Variants in DNAH10 observed in about 807,000 individuals in gnomAD.
DNAH10 encodes axonemal beta dynein heavy chain 10.
In DNAH10, 348 loss-of-function variants were observed where a neutral mutation model predicts 506.6. The observed-to-expected ratio is 0.69, with a 90% confidence interval of 0.63 to 0.75. The LOEUF (loss-of-function observed/expected upper bound fraction) is 0.75, where lower values mean the gene tolerates loss of function less well. Ranked by LOEUF, DNAH10 falls within the 30% of genes least tolerant of loss-of-function variation. The pLI is 0.00. For synonymous variants in DNAH10, 2,059 were observed against 2,198.6 expected (o/e 0.94, Z 1.78); for missense variants, 5,179 against 5,787.1 (o/e 0.89, Z 3.41).
Position 123,859,050 on chromosome 12 carries a change from C to T in DNAH10, c.6631-100C>T, listed in dbSNP as rs1566005038. 20 of 1,124,692 alleles carry T rather than the reference C, an allele frequency of 1.8e-5. No homozygotes were observed. In the South Asian group the frequency reaches 2.5e-4, roughly 14 times the overall value. The allele number at this position is 1,124,692 out of a possible 1,614,324, so 69.7% of individuals were successfully genotyped here. A position where few individuals can be genotyped will look rare whatever the true frequency, so the allele number is the denominator to read the frequency against. The stretch of plus-strand genomic sequence containing the variant: ...ATACTGGAAACCATTGACTTGTACC[C>T]TTTCAAAGGTAAATTGTATGGCGTG... On this transcript the variant is annotated intron_variant, in intron 37 of 78. Transcript: ENST00000673944.
At chr12:123,885,905 A>G (rs941316832) in intron 51 of DNAH10, among the ~76,000 whole-genome samples, 3 of 152,134 alleles carry the variant, frequency 2.0e-5, no homozygotes, top group African/African-American at 4.8e-5. Flanking sequence ...GCCCCTTTAT[A>G]TACTTATTGA....
chr12:123,804,903 T>C lies in DNAH10; in HGVS notation c.2850T>C (p.Tyr950=), dbSNP rs1294250717. The change falls in exon 18 of 79, where the codon TAT becomes TAC. Residue 950 remains tyrosine (Y), a synonymous_variant. Coordinates refer to ENST00000673944, the MANE Select transcript of DNAH10 (RefSeq NM_001372106.1). ...ACGTGGACCACATGGTCCGGTGGTATCTTGCCATTGGACCACTGCTGACCA... is the reference window on the plus strand; with the variant it reads ...ACGTGGACCACATGGTCCGGTGGTACCTTGCCATTGGACCACTGCTGACCA... The part of the protein sequence containing the change: ...ASDVDHMVRW[Y]LAIGPLLTKV... The C allele has an allele frequency of 1.2e-6, 2 of 1,613,912 alleles. No homozygotes were observed. The highest frequency in any genetic ancestry group is 1.7e-6 in the Non-Finnish European group (2 of 1,180,038).
In DNAH10 at chr12:123,838,354, G is replaced by A. The variant is rs760606591; in HGVS notation, c.4903-102G>A. 2.9e-4 allele frequency: 290 copies of A among 1,007,196 alleles called. 1 individual carries two copies. The highest frequency in any genetic ancestry group is 3.4e-4 in the Non-Finnish European group (231 of 687,548). 62.4% of individuals were successfully genotyped at this position (1,007,196 alleles called of 1,614,324 possible). Reference sequence around the variant, plus strand: ...CTGGGCAGCTTGTCAGTTTTGTCTCGGCCGTGCCTGGGCTCTGGTGAGTGC... The same window carrying A: ...CTGGGCAGCTTGTCAGTTTTGTCTCAGCCGTGCCTGGGCTCTGGTGAGTGC... On this transcript the variant is annotated intron_variant, in intron 28 of 78. Transcript: ENST00000673944.
At chr12:123,929,634 G>T (rs199836034) in intron 71 of DNAH10, 30 bp from the exon 72 acceptor site, 2 of 1,601,460 alleles carry the variant, frequency 1.2e-6, no homozygotes, top group African/African-American at 1.3e-5. Context: ...GTGGGTTTCA[G>T]TATAACTGAG....
intron 48 of DNAH10, among the ~76,000 whole-genome samples, chr12:123,878,651 C>T (rs2137037801): frequency 6.6e-6 from 1 of 152,306 alleles, no homozygotes; most frequent in Non-Finnish European, 1.5e-5. Context: ...AGTCTCAGCA[C>T]TTTGGGAGGC....
At chr12:123,780,386 G>A (rs1031749255) in intron 5 of DNAH10, among the ~76,000 whole-genome samples, 7 of 151,506 alleles carry the variant, frequency 4.6e-5, no homozygotes, top group African/African-American at 1.7e-4. Flanking sequence ...GGCTGGTCTC[G>A]AACTCCTGAC....
chr12:123,857,695 T>A (rs1951451394), intron 37 of DNAH10, among the ~76,000 whole-genome samples: 1 of 152,144 alleles, frequency 6.6e-6, no homozygotes, highest in Admixed American at 6.5e-5. Context: ...GCCACTGCAC[T>A]CCAGCCTGGT....
intron 46 of DNAH10, among the ~76,000 whole-genome samples, chr12:123,874,218 T>C (rs961578929): frequency 2.0e-5 from 3 of 152,200 alleles, no homozygotes; most frequent in Non-Finnish European, 4.4e-5. Context: ...CATTTTTTTC[T>C]GAAAGTCTAT....
Position 123,893,401 on chromosome 12 carries a change from G to A in DNAH10, c.9164G>A (p.Gly3055Glu). 1 of 1,613,240 alleles carries A rather than the reference G, an allele frequency of 6.2e-7. No individual in the cohort carries two copies. Among genetic ancestry groups the A allele is most frequent in the Non-Finnish European group, 8.5e-7 (1 of 1,179,892 alleles). ...ATTGTCCTGGGCATGTCGCCAGTGGGGGACACCCTGAGGACCTGGTGCAGA... is the reference window on the plus strand; with the variant it reads ...ATTGTCCTGGGCATGTCGCCAGTGGAGGACACCCTGAGGACCTGGTGCAGA... ...LHIVLGMSPV[G>E]DTLRTWCRNF... is the part of the protein sequence containing the mutation. Residue 3055 changes from glycine to glutamate, a missense_variant, in exon 53 of 79, where the codon GGG becomes GAG. Gly to Glu is a moderately conservative substitution (Grantham distance 98). Coordinates refer to ENST00000673944, the MANE Select transcript of DNAH10 (RefSeq NM_001372106.1).
intron 51 of DNAH10, among the ~76,000 whole-genome samples, chr12:123,884,359 G>T (rs1430246021): frequency 6.6e-6 from 1 of 152,232 alleles, no homozygotes; most frequent in East Asian, 1.9e-4. Flanking sequence ...TTACCACAGA[G>T]AGTCTTAGGC....
intron 19 of DNAH10, among the ~76,000 whole-genome samples, chr12:123,809,876 C>T (rs952872764): frequency 2.0e-5 from 3 of 152,172 alleles, no homozygotes; most frequent in African/African-American, 7.2e-5. Context: ...GTTGTGCCTC[C>T]AGCAGGCACC....
In DNAH10 at chr12:123,921,935, G is replaced by C. The variant is rs112421376; in HGVS notation, c.11507-1828G>C. On this transcript the variant is annotated intron_variant, in intron 65 of 78. Transcript: ENST00000673944. ...TTGCCATGTTGGCCAGGCTGGTCTC[G>C]AACTCTTGATCTCAAGTGATCTGCC... 6.4e-3 allele frequency among the ~76,000 whole-genome samples: 969 copies of C among 151,368 alleles called. 6 individuals carry two copies. The highest frequency in any genetic ancestry group is 0.021 in the Middle Eastern group (6 of 290).
intron 52 of DNAH10, among the ~76,000 whole-genome samples, chr12:123,891,749 G>A (rs1021922359): frequency 6.6e-6 from 1 of 152,114 alleles, no homozygotes; most frequent in East Asian, 1.9e-4. Context: ...CCCCGGCTCC[G>A]TGACTTGCTA....
At chr12:123,793,442 C>T (rs562640624) in intron 11 of DNAH10, among the ~76,000 whole-genome samples, 1 of 151,814 alleles carries the variant, frequency 6.6e-6, no homozygotes, top group South Asian at 2.1e-4. Flanking sequence ...GGGTTCACAC[C>T]GTTCTCCTGA....
At chr12:123,912,823 T>G (rs528645621) in intron 59 of DNAH10, among the ~76,000 whole-genome samples, 9 of 152,366 alleles carry the variant, frequency 5.9e-5, no homozygotes, top group Admixed American at 2.6e-4. Flanking sequence ...AGTTTTTGAC[T>G]TAGAACCACA....
At chr12:123,806,644 C>A (rs1349426202) in intron 18 of DNAH10, among the ~76,000 whole-genome samples, 1 of 152,108 alleles carries the variant, frequency 6.6e-6, no homozygotes, top group Non-Finnish European at 1.5e-5. Flanking sequence ...CTAAGTTGAT[C>A]CTTTAAATAA....
intron 19 of DNAH10, among the ~76,000 whole-genome samples, chr12:123,812,674 A>G (rs1176350230): frequency 1.3e-5 from 2 of 152,220 alleles, no homozygotes; most frequent in Non-Finnish European, 1.5e-5. Context: ...GGCATAAAAC[A>G]ATAATCATTT....
chr12:123,879,531 A>C, intron 49 of DNAH10, 103 bp from the exon 50 acceptor site: 1 of 1,532,184 alleles, frequency 6.5e-7, no homozygotes, highest in Non-Finnish European at 8.8e-7. Flanking sequence ...AAAAAATAGA[A>C]CGCAAATTAT....
chr12:123,856,056 A>G (rs1951375088), intron 36 of DNAH10, among the ~76,000 whole-genome samples: 1 of 148,030 alleles, frequency 6.8e-6, no homozygotes, highest in African/African-American at 2.5e-5. Flanking sequence ...ATGAAATTTC[A>G]TATATTCATA....
Sources: gnomAD v4.1 joint callset for allele counts (sites outside exome capture counted in the v4.1 genomes callset) on GRCh38, gnomAD v4.1.1 for gene constraint, MANE v1.5 for transcripts, NCBI Gene and HGNC (gene_info 2026-07-23, HGNC 2026-07-21) for gene names.